The following GMDS variants were observed in gnomAD, a reference collection of about 807,000 sequenced individuals.
GMDS encodes GDP-mannose 4,6-dehydratase.
GMDS carries 20 observed loss-of-function variants against 49.9 expected under a neutral mutation model. That is an observed-to-expected ratio of 0.40 (90% CI 0.28 to 0.58). The LOEUF (loss-of-function observed/expected upper bound fraction) is 0.58. Among genes scored for constraint, GMDS ranks in the 20% least tolerant of loss-of-function variants. The pLI is 0.42. For synonymous variants in GMDS, 177 were observed against 178.6 expected (o/e 0.99, Z 0.07); for missense variants, 362 against 481.4 (o/e 0.75, Z 2.32).
At chr6:1,967,316 G>A (rs902297960) in intron 4 of GMDS, among the ~76,000 whole-genome samples, 3 of 152,134 alleles carry the variant, frequency 2.0e-5, no homozygotes, top group Admixed American at 1.3e-4. Context: ...CTCCCATGCC[G>A]GAAGCACGCC....
At chr6:2,007,510 G>A (rs1393612929) in intron 4 of GMDS, among the ~76,000 whole-genome samples, 2 of 151,846 alleles carry the variant, frequency 1.3e-5, no homozygotes, top group African/African-American at 4.8e-5. Flanking sequence ...AATTCTGTAA[G>A]AAATTTAGCC....
At chr6:2,244,157 G>A (rs554776960) in intron 1 of GMDS, among the ~76,000 whole-genome samples, 66 of 151,966 alleles carry the variant, frequency 4.3e-4, no homozygotes, top group Non-Finnish European at 8.2e-4. Flanking sequence ...AGTATGAGCC[G>A]CTGCCTCCTG....
intron 4 of GMDS, among the ~76,000 whole-genome samples, chr6:2,101,142 A>C (rs1773900489): frequency 6.6e-6 from 1 of 151,908 alleles, no homozygotes. Flanking sequence ...TTTATGTTAC[A>C]TTATAAAAAA....
intron 7 of GMDS, among the ~76,000 whole-genome samples, chr6:1,809,051 A>G (rs976219670): frequency 2.6e-5 from 4 of 152,230 alleles, no homozygotes; most frequent in African/African-American, 7.2e-5. Flanking sequence ...TTTTATATCA[A>G]TACTTTCCAT....
intron 7 of GMDS, among the ~76,000 whole-genome samples, chr6:1,924,484 G>C (rs1234742594): frequency 6.6e-6 from 1 of 152,202 alleles, no homozygotes; most frequent in African/African-American, 2.4e-5. Flanking sequence ...CCAAGAGCAA[G>C]GGGCCTTTTT....
At chr6:2,134,928 T>A (rs1362404242) in intron 1 of GMDS, among the ~76,000 whole-genome samples, 3 of 152,356 alleles carry the variant, frequency 2.0e-5, no homozygotes, top group South Asian at 2.1e-4. Flanking sequence ...ACTCTTTAGA[T>A]GTTTTTTCCC....
At chr6:1,894,209 A>G (rs539523215) in intron 7 of GMDS, among the ~76,000 whole-genome samples, 2 of 152,340 alleles carry the variant, frequency 1.3e-5, no homozygotes, top group African/African-American at 4.8e-5. Flanking sequence ...CTAATGCTTT[A>G]ATTGATTGCA....
At chr6:1,794,547 CTAGCCTTAGAG>C (rs1769664871) in intron 7 of GMDS, among the ~76,000 whole-genome samples, 4 of 152,272 alleles carry the variant, frequency 2.6e-5, no homozygotes, top group African/African-American at 9.6e-5. Context: ...AGAAAATGTA[CTAGCCTTAGAG>C]AATTTGGCCT....
intron 7 of GMDS, among the ~76,000 whole-genome samples, chr6:1,773,338 C>G (rs569337049): frequency 7.2e-4 from 109 of 151,676 alleles, no homozygotes; most frequent in African/African-American, 2.4e-3. Flanking sequence ...AAATACAACT[C>G]TCTTCTCTTA....
chr6:1,755,033 G>A (rs1190109984), intron 7 of GMDS, among the ~76,000 whole-genome samples: 1 of 152,126 alleles, frequency 6.6e-6, no homozygotes, highest in African/African-American at 2.4e-5. Flanking sequence ...TTCTGGCCAG[G>A]GCAATCAGGC....
At chr6:1,727,830 A>C (rs922829360) in intron 8 of GMDS, among the ~76,000 whole-genome samples, 15 of 152,246 alleles carry the variant, frequency 9.9e-5, no homozygotes, top group African/African-American at 3.6e-4. Flanking sequence ...GGCAAGTATG[A>C]AAACTGTCCT....
At chr6:1,699,811 C>G (rs534918562) in intron 9 of GMDS, among the ~76,000 whole-genome samples, 1 of 151,780 alleles carries the variant, frequency 6.6e-6, no homozygotes, top group South Asian at 2.1e-4. Context: ...TGGGGACTTC[C>G]TTGGGGGTGG....
chr6:2,036,854 A>G (rs1769336485), intron 4 of GMDS, among the ~76,000 whole-genome samples: 1 of 152,204 alleles, frequency 6.6e-6, no homozygotes, highest in Admixed American at 6.6e-5. Flanking sequence ...TCTCCAAATT[A>G]ACGTGGCGTA....
intron 7 of GMDS, among the ~76,000 whole-genome samples, chr6:1,921,234 A>G (rs1761700302): frequency 6.6e-6 from 1 of 152,240 alleles, no homozygotes; most frequent in African/African-American, 2.4e-5. Context: ...ATTTAATGAC[A>G]TATGCTCAAT....
At chr6:2,175,875 A>G (rs939414649) in intron 1 of GMDS, 14 of 895,896 alleles carry the variant, frequency 1.6e-5, no homozygotes, top group Non-Finnish European at 2.3e-5. Context: ...AAACAGCCCT[A>G]TCAGGCTTGT....
At chr6:1,827,078 ATG>A (rs111813765) in intron 7 of GMDS, among the ~76,000 whole-genome samples, 19,787 of 124,828 alleles carry the variant, frequency 0.16, 1,450 homozygotes, top group Non-Finnish European at 0.19. Flanking sequence ...AAAAATATAT[ATG>A]TGTGTGTGTG....
chr6:1,930,116 T>C lies in GMDS; in HGVS notation c.758A>G (p.Lys253Arg). The C allele has an allele frequency of 1.2e-6, 2 of 1,612,328 alleles. No individual in the cohort carries two copies. Among genetic ancestry groups the C allele is most frequent in the Non-Finnish European group, 1.7e-6 (2 of 1,178,946 alleles). ...LDAKRDWGHA[K>R]DYVEAMWLML... Reference sequence around the variant, plus strand: ...GTCAGTTCCTACCTCCACATAGTCCTTGGCATGGCCCCAATCTCGTTTGGC... The same window carrying C: ...GTCAGTTCCTACCTCCACATAGTCCCTGGCATGGCCCCAATCTCGTTTGGC... The change falls in exon 7 of 11, where the codon AAG (lysine) becomes AGG (arginine). Residue 253 changes from lysine (K) to arginine (R), a missense_variant. Coordinates refer to ENST00000380815, the MANE Select transcript of GMDS (RefSeq NM_001500.4).
intron 9 of GMDS, among the ~76,000 whole-genome samples, chr6:1,713,253 G>T (rs890084867): frequency 1.3e-5 from 2 of 152,192 alleles, no homozygotes; most frequent in Non-Finnish European, 1.5e-5. Flanking sequence ...TGGCCACTGC[G>T]GTCCCTGTGG....
chr6:2,038,435 T>G (rs1769433736), intron 4 of GMDS, among the ~76,000 whole-genome samples: 1 of 152,146 alleles, frequency 6.6e-6, no homozygotes, highest in Non-Finnish European at 1.5e-5. Context: ...GCTTTCACAC[T>G]GTCGACTTTA....
Sources: allele counts gnomAD v4.1 joint callset (sites outside exome capture counted in the v4.1 genomes callset), GRCh38; gene constraint gnomAD v4.1.1; transcripts MANE v1.5; gene names NCBI Gene and HGNC (gene_info 2026-07-23, HGNC 2026-07-21).